The following GOLGB1 variants were observed in gnomAD, a reference collection of about 807,000 sequenced individuals.
GOLGB1 encodes golgin B1.
In GOLGB1, 174 loss-of-function variants were observed where a neutral mutation model predicts 336.9. That is an observed-to-expected ratio of 0.52 (90% CI 0.46 to 0.59). GOLGB1 has a LOEUF of 0.59. Among genes scored for constraint, GOLGB1 ranks in the 20% least tolerant of loss-of-function variants. The probability of loss-of-function intolerance (pLI) is 0.00; values close to 1 mark genes in which losing one functional copy is unlikely to be tolerated. For missense variants in GOLGB1, 3,331 were observed against 3,645.3 expected, an observed-to-expected ratio of 0.91 and a Z score of 2.22; for synonymous variants, 1,208 against 1,289.2, an observed-to-expected ratio of 0.94 and a Z score of 1.35.
chr3:121,682,185 T>C (rs1244502415), intron 14 of GOLGB1, among the ~76,000 whole-genome samples: 1 of 152,238 alleles, frequency 6.6e-6, no homozygotes, highest in African/African-American at 2.4e-5. Flanking sequence ...TTAAGAGACC[T>C]AGAGCTTCAC....
chr3:121,718,298 CT>C (rs1227666727), intron 8 of GOLGB1, 89 bp downstream of exon 8: 17 of 761,606 alleles, frequency 2.2e-5, no homozygotes, highest in South Asian at 1.3e-4. Context: ...TCTCTGAAGA[CT>C]TTAAATAGGC....
chr3:121,747,295 GTGTATATA>G (rs1215293021), intron 1 of GOLGB1, among the ~76,000 whole-genome samples: 227 of 140,640 alleles, frequency 1.6e-3, no homozygotes, highest in Non-Finnish European at 2.4e-3. Flanking sequence ...GTATATATAT[GTGTATATA>G]TGTATATATG....
intron 13 of GOLGB1, 30 bp from the exon 14 acceptor site, chr3:121,692,611 G>C (rs776774543): frequency 7.5e-7 from 1 of 1,331,052 alleles, no homozygotes; most frequent in African/African-American, 1.5e-5. Flanking sequence ...ATTAGTTACA[G>C]ATTTCAAGAA....
At position 121,747,150 on chromosome 3, in the gene GOLGB1, T is replaced by TTATA. The variant is rs548032779; in HGVS notation, c.-3+2478_-3+2481dup. ...GCCCTAAGATATATATACATGGATG[T>TTATA]TATATATATATATATATATATATAT... On this transcript the variant is annotated intron_variant, in intron 1 of 21. Transcript: ENST00000614479. Among the ~76,000 whole-genome samples, 437 of 49,498 alleles carry TTATA rather than the reference T, an allele frequency of 8.8e-3. 4 individuals are homozygous for TTATA. Among genetic ancestry groups the TTATA allele is most frequent in the African/African-American group, 0.011 (117 of 10,998 alleles). 32.5% of individuals were successfully genotyped at this position (49,498 alleles called of 152,430 possible).
Position 121,664,227 on chromosome 3 carries a change from C to T in GOLGB1, c.*253G>A. 8.2e-6 allele frequency: 4 copies of T among 490,012 alleles called. No individual in the cohort carries two copies. In the South Asian group the frequency reaches 1.2e-4, roughly 15 times the overall value. 30.4% of individuals were successfully genotyped at this position (490,012 alleles called of 1,614,324 possible). On this transcript the variant is annotated 3_prime_UTR_variant, in exon 22 of 22. Transcript: ENST00000614479. ...GCAAAATCTCAACAAATATTAGGCT[C>T]AACAAACCAAATGTGATTCTCAGAT...
At position 121,697,234 on chromosome 3, in the gene GOLGB1, C is replaced by T; in HGVS notation, c.3289G>A (p.Ala1097Thr). 6.2e-7 allele frequency: 1 copy of T among 1,614,128 alleles called. No individual in the cohort carries two copies. The highest frequency in any genetic ancestry group is 8.5e-7 in the Non-Finnish European group (1 of 1,179,988). Reference sequence around the variant, plus strand: ...GTCTGATTCATCTGTTTGACCAGAGCCTGGAATTGCTCTTCAGCTGCCAGC... The same window carrying T: ...GTCTGATTCATCTGTTTGACCAGAGTCTGGAATTGCTCTTCAGCTGCCAGC... ...EKLAAEEQFQ[A>T]LVKQMNQTLQ... Residue 1097 changes from alanine to threonine, a missense_variant, in exon 13 of 22, where the codon GCT becomes ACT. Coordinates refer to ENST00000614479, the MANE Select transcript of GOLGB1 (RefSeq NM_001366282.2).
At chr3:121,667,054 A>G (rs891777619) in intron 20 of GOLGB1, among the ~76,000 whole-genome samples, 2 of 152,208 alleles carry the variant, frequency 1.3e-5, no homozygotes, top group Non-Finnish European at 2.9e-5. Context: ...AACAAATAAA[A>G]AGCTACATTC....
rs746077193 is a variant in GOLGB1, at chr3:121,698,905, T to G, written c.1618A>C (p.Lys540Gln). Residue 540 changes from lysine (K) to glutamine (Q), a missense_variant, in exon 13 of 22, where the codon AAG (lysine) becomes CAG (glutamine). Transcript: ENST00000614479. ...CTTTCCTCAGCAGAAGAGCTCCTCT[T>G]GTTGGCAATATCAACAATGCTGATC... ...SEISIVDIAN[K>Q]RSSSAEESGQ... 5 of 1,581,214 alleles carry G rather than the reference T, an allele frequency of 3.2e-6. No individual in the cohort carries two copies. The highest frequency in any genetic ancestry group is 1.8e-4 in the Middle Eastern group (1 of 5,668).
Position 121,677,255 on chromosome 3 carries a change from T to C in GOLGB1, c.9039+30A>G, listed in dbSNP as rs1347107011. On this transcript the variant is annotated intron_variant, in intron 16 of 21. Coordinates refer to ENST00000614479, the MANE Select transcript of GOLGB1 (RefSeq NM_001366282.2). ...CATCATTTGTTTAAAAATTTATCTC[T>C]GAGTAACAATCAGCATTGAAATTAC... The C allele has an allele frequency of 2.6e-6, 4 of 1,522,230 alleles. No individual in the cohort carries two copies. The South Asian group carries it at 4.7e-5, about 18-fold the overall frequency. 94.3% of individuals were successfully genotyped at this position (1,522,230 alleles called of 1,614,324 possible).
At chr3:121,724,675 C>G (rs1199576202) in intron 5 of GOLGB1, among the ~76,000 whole-genome samples, 4 of 152,112 alleles carry the variant, frequency 2.6e-5, no homozygotes, top group African/African-American at 9.7e-5. Flanking sequence ...GAAATTAACA[C>G]GGCTAAAAGG....
intron 1 of GOLGB1, among the ~76,000 whole-genome samples, chr3:121,734,971 C>T (rs1304600527): frequency 2.6e-5 from 4 of 152,134 alleles, no homozygotes; most frequent in Non-Finnish European, 2.9e-5. Flanking sequence ...AAAGAATGAA[C>T]AATTGATTCA....
chr3:121,675,296 T>C (rs935319999), intron 17 of GOLGB1, among the ~76,000 whole-genome samples: 2 of 152,242 alleles, frequency 1.3e-5, no homozygotes, highest in Non-Finnish European at 2.9e-5. Flanking sequence ...TATATAAATA[T>C]ATACAATTAA....
chr3:121,705,425 A>C (rs1053820441), intron 10 of GOLGB1, among the ~76,000 whole-genome samples: 1 of 152,236 alleles, frequency 6.6e-6, no homozygotes, highest in African/African-American at 2.4e-5. Flanking sequence ...CATTTTCAGA[A>C]TACTGGATAT....
At chr3:121,668,667 C>T (rs1262042214) in intron 18 of GOLGB1, among the ~76,000 whole-genome samples, 5 of 130,380 alleles carry the variant, frequency 3.8e-5, no homozygotes, top group Non-Finnish European at 7.9e-5. Context: ...AGCGAGACTC[C>T]GTCTCAAAAA....
At chr3:121,669,448 G>T in intron 17 of GOLGB1, 93 bp from the exon 18 acceptor site, 2 of 989,004 alleles carry the variant, frequency 2.0e-6, no homozygotes, top group Non-Finnish European at 3.0e-6. Flanking sequence ...ATTTTCCTAT[G>T]GAAGACCTTT....
At chr3:121,700,996 C>A (rs757564020) in intron 11 of GOLGB1, among the ~76,000 whole-genome samples, 1 of 152,146 alleles carries the variant, frequency 6.6e-6, no homozygotes, top group Non-Finnish European at 1.5e-5. Flanking sequence ...TGGAATAGTG[C>A]CTGGCACATA....
At chr3:121,682,481 T>G (rs1043343063) in intron 14 of GOLGB1, among the ~76,000 whole-genome samples, 1 of 152,172 alleles carries the variant, frequency 6.6e-6, no homozygotes, top group Non-Finnish European at 1.5e-5. Flanking sequence ...AAGATAATTA[T>G]AGTACCTTTT....
In GOLGB1 at chr3:121,698,486, A is replaced by T. The variant is rs1472106100; in HGVS notation, c.2037T>A (p.Ala679=). The T allele has an allele frequency of 5.6e-6, 9 of 1,613,770 alleles. No individual in the cohort carries two copies. The highest frequency in any genetic ancestry group is 7.6e-6 in the Non-Finnish European group (9 of 1,179,736). Residue 679 remains alanine (A), a synonymous_variant, in exon 13 of 22, where the codon GCT becomes GCA. Coordinates refer to ENST00000614479, the MANE Select transcript of GOLGB1 (RefSeq NM_001366282.2). Reference sequence around the variant, plus strand: ...GATGACACTGACCAATATCTGGTACAGCAGAAAGGGATTTATCACCATCCT... The same window carrying T: ...GATGACACTGACCAATATCTGGTACTGCAGAAAGGGATTTATCACCATCCT... ...TKQDGDKSLS[A]VPDIGQCHQD...
At position 121,692,356 on chromosome 3, in the gene GOLGB1, A is replaced by G. The variant is rs140182397; in HGVS notation, c.7008T>C (p.Cys2336=). The change falls in exon 14 of 22, where the codon TGT becomes TGC. Residue 2336 remains cysteine (C), a synonymous_variant. Transcript: ENST00000614479. ...LTDLSNSLEK[C]KEQKGNLEGI... Reference sequence around the variant, plus strand: ...CTTCCAAGTTTCCTTTTTGTTCCTTACATTTTTCTAAAGAGTTACTTAAAT... The same window carrying G: ...CTTCCAAGTTTCCTTTTTGTTCCTTGCATTTTTCTAAAGAGTTACTTAAAT... 3.7e-6 allele frequency: 6 copies of G among 1,604,284 alleles called. No homozygotes were observed. The highest frequency in any genetic ancestry group is 4.2e-6 in the Non-Finnish European group (5 of 1,177,430).
Sources: gnomAD v4.1 joint callset for allele counts (sites outside exome capture counted in the v4.1 genomes callset) on GRCh38, gnomAD v4.1.1 for gene constraint, MANE v1.5 for transcripts, NCBI Gene and HGNC (gene_info 2026-07-23, HGNC 2026-07-21) for gene names.